The following MAGI2 variants were observed in gnomAD, a reference collection of about 807,000 sequenced individuals.
MAGI2 encodes membrane-associated guanylate kinase, WW and PDZ domain-containing protein 2.
Under a neutral mutation model 133.3 loss-of-function variants are expected in MAGI2, and 35 were observed. That is an observed-to-expected ratio of 0.26 (90% confidence interval 0.20 to 0.35). The LOEUF is 0.35. MAGI2 is among the 10% of genes least tolerant of loss of function. The pLI is 1.00. For missense variants in MAGI2, 1,636 were observed against 1,863.4 expected, an observed-to-expected ratio of 0.88 and a Z score of 2.25; for synonymous variants, 729 against 710.6, an observed-to-expected ratio of 1.03 and a Z score of -0.41.
intron 2 of MAGI2, among the ~76,000 whole-genome samples, chr7:78,637,621 A>G (rs1356136595): frequency 3.9e-5 from 6 of 152,342 alleles, no homozygotes; most frequent in African/African-American, 1.4e-4. Flanking sequence ...TTACAACTAT[A>G]CTTATCAAAT....
intron 2 of MAGI2, among the ~76,000 whole-genome samples, chr7:78,962,350 A>G (rs949645877): frequency 1.3e-5 from 2 of 152,100 alleles, no homozygotes; most frequent in African/African-American, 4.8e-5. Flanking sequence ...TCAAATGGAA[A>G]AAGGCTGAGC....
intron 1 of MAGI2, among the ~76,000 whole-genome samples, chr7:79,300,324 C>T (rs1837295222): frequency 6.6e-6 from 1 of 152,178 alleles, no homozygotes; most frequent in Non-Finnish European, 1.5e-5. Context: ...GCTGAGGTCT[C>T]AGATTGAAAT....
At chr7:79,256,492 T>A (rs1833693961) in intron 1 of MAGI2, among the ~76,000 whole-genome samples, 1 of 141,874 alleles carries the variant, frequency 7.0e-6, no homozygotes, top group East Asian at 2.1e-4. Context: ...CTCTCTTTTT[T>A]TTTTTTTTTT....
intron 1 of MAGI2, among the ~76,000 whole-genome samples, chr7:79,307,994 A>G (rs990186394): frequency 1.3e-5 from 2 of 152,186 alleles, no homozygotes; most frequent in East Asian, 1.9e-4. Context: ...ACAGAAAAAT[A>G]TGGCTAAATA....
rs142247680 is a variant in MAGI2 at position 78,140,151 on chromosome 7, A to G, written c.2846-4945T>C. ...CAAAGTGGGCCGATCCAGCCAATGA[A>G]CTCCTGTTATTTCTACCTTGGGTCA... On this transcript the variant is annotated intron_variant, in intron 16 of 21. Transcript: ENST00000354212. Among the ~76,000 whole-genome samples the G allele has an allele frequency of 3.4e-3, 516 of 152,136 alleles. 4 individuals are homozygous for G. The highest frequency in any genetic ancestry group is 0.012 in the African/African-American group (495 of 41,498).
At chr7:79,140,164 C>G (rs1162368174) in intron 1 of MAGI2, among the ~76,000 whole-genome samples, 1 of 152,106 alleles carries the variant, frequency 6.6e-6, no homozygotes, top group African/African-American at 2.4e-5. Flanking sequence ...TCATGAAAGC[C>G]CATCACATTT....
rs118184584 is a variant in MAGI2, at chr7:78,414,655, C to T, written c.1046-45442G>A. On this transcript the variant is annotated intron_variant, in intron 6 of 21. Transcript: ENST00000354212. ...ATGAGCGTGCACATGTGTGCATACA[C>T]ACACACACCCCTGCCCCCCTTCTTT... 5.2e-4 allele frequency among the ~76,000 whole-genome samples: 79 copies of T among 152,114 alleles called. 1 individual carries two copies. The East Asian group carries it at 0.013, about 24-fold the overall frequency.
rs190036487 is a variant in MAGI2 at position 78,677,742 on chromosome 7, C to T, written c.419-50503G>A. 5.7e-4 allele frequency among the ~76,000 whole-genome samples: 87 copies of T among 152,136 alleles called. No individual in the cohort carries two copies. In the East Asian group the frequency reaches 0.016, roughly 28 times the overall value. ...TTTGGCATTTATTACATAATTTCGT[C>T]CAATCCTCTTAGTTTTTGGAATGAG... On this transcript the variant is annotated intron_variant, in intron 2 of 21. Transcript: ENST00000354212.
rs185956990 is a variant in MAGI2, at chr7:79,335,820, A to T, written c.301+117200T>A. On this transcript the variant is annotated intron_variant, in intron 1 of 21. Coordinates refer to ENST00000354212, the MANE Select transcript of MAGI2 (RefSeq NM_012301.4). ...ATGTTCAATAGTTTGGAAGTTAATT[A>T]GGCAATATATATCTCCTTGGTCTAC... is the stretch of plus-strand genomic sequence containing the variant. 2.6e-5 allele frequency among the ~76,000 whole-genome samples: 4 copies of T among 152,220 alleles called. No individual in the cohort carries two copies. The East Asian group carries it at 5.8e-4, about 22-fold the overall frequency.
intron 2 of MAGI2, among the ~76,000 whole-genome samples, chr7:78,905,538 T>A (rs1189395968): frequency 6.6e-6 from 1 of 152,212 alleles, no homozygotes; most frequent in African/African-American, 2.4e-5. Context: ...AATAATTTGT[T>A]ATTGCTCAGC....
At chr7:78,786,077 C>A (rs1471823230) in intron 2 of MAGI2, among the ~76,000 whole-genome samples, 1 of 152,026 alleles carries the variant, frequency 6.6e-6, no homozygotes, top group Non-Finnish European at 1.5e-5. Context: ...ATTATCACCC[C>A]CCACAACCCC....
chr7:78,476,612 A>G (rs771243575), intron 6 of MAGI2, among the ~76,000 whole-genome samples: 58 of 152,012 alleles, frequency 3.8e-4, no homozygotes, highest in Admixed American at 3.9e-4. Flanking sequence ...GGTTCTTTAC[A>G]TAGTTTAGGT....
At chr7:78,643,005 A>G (rs1438131894) in intron 2 of MAGI2, among the ~76,000 whole-genome samples, 2 of 152,194 alleles carry the variant, frequency 1.3e-5, no homozygotes, top group Non-Finnish European at 2.9e-5. Context: ...GCATTCAGAT[A>G]GAATCTCTGC....
intron 1 of MAGI2, among the ~76,000 whole-genome samples, chr7:79,105,390 C>T (rs986803966): frequency 6.6e-6 from 1 of 152,090 alleles, no homozygotes; most frequent in Non-Finnish European, 1.5e-5. Flanking sequence ...TAACTGAGAT[C>T]GCTACTGAGC....
At chr7:79,332,482 C>G (rs910425736) in intron 1 of MAGI2, among the ~76,000 whole-genome samples, 11 of 152,178 alleles carry the variant, frequency 7.2e-5, no homozygotes, top group Admixed American at 1.3e-4. Flanking sequence ...AGACCATTTA[C>G]CATCCTTATT....
chr7:78,695,112 C>A (rs1032041844), intron 2 of MAGI2, among the ~76,000 whole-genome samples: 1 of 152,088 alleles, frequency 6.6e-6, no homozygotes, highest in Non-Finnish European at 1.5e-5. Context: ...GTAGTCCCAG[C>A]TACTCGGGAG....
At chr7:79,099,163 C>T (rs994187333) in intron 1 of MAGI2, among the ~76,000 whole-genome samples, 2 of 151,848 alleles carry the variant, frequency 1.3e-5, no homozygotes, top group Non-Finnish European at 2.9e-5. Context: ...AAAATTAGTG[C>T]TATTTTATGG....
At chr7:79,078,008 C>T (rs1261354738) in intron 1 of MAGI2, among the ~76,000 whole-genome samples, 1 of 152,112 alleles carries the variant, frequency 6.6e-6, no homozygotes, top group African/African-American at 2.4e-5. Flanking sequence ...ACAGAATTTA[C>T]CCCACAAGGA....
At chr7:79,004,731 A>G (rs1807260351) in intron 2 of MAGI2, among the ~76,000 whole-genome samples, 1 of 152,212 alleles carries the variant, frequency 6.6e-6, no homozygotes. Context: ...TATGTAAATT[A>G]TTATGTATCA....
Sources: gnomAD v4.1 joint callset for allele counts (sites outside exome capture counted in the v4.1 genomes callset) on GRCh38, gnomAD v4.1.1 for gene constraint, MANE v1.5 for transcripts, NCBI Gene and HGNC (gene_info 2026-07-23, HGNC 2026-07-21) for gene names.